Variants in GSE1 observed in about 807,000 individuals in gnomAD.
GSE1 encodes the protein Gse1 coiled-coil protein.
A neutral mutation model predicts 112.6 loss-of-function variants in GSE1; 32 were observed. The ratio of observed to expected loss-of-function variants is 0.28; its 90% CI spans 0.21 to 0.38. GSE1 has a LOEUF of 0.38. Ranked by LOEUF, GSE1 falls within the 10% of genes least tolerant of loss-of-function variation. GSE1 has a pLI of 1.00. For synonymous variants in GSE1, 1,115 were observed against 735.6 expected (o/e 1.52, Z -8.35); for missense variants, 2,348 against 1,699.2 (o/e 1.38, Z -6.71).
chr16:85,645,016 C>T (rs1481245280), intron 2 of GSE1, among the ~76,000 whole-genome samples: 2 of 151,922 alleles, frequency 1.3e-5, no homozygotes, highest in East Asian at 1.9e-4. Context: ...GGCCTGTTCT[C>T]CTGTCCCCAC....
At chr16:85,294,796 C>G (rs890431106) in intron 1 of GSE1, among the ~76,000 whole-genome samples, 10 of 151,688 alleles carry the variant, frequency 6.6e-5, no homozygotes, top group African/African-American at 2.4e-4. Flanking sequence ...GGTGCAAGTC[C>G]AAAGAGAGAA....
At chr16:85,422,669 G>C (rs553715231) in intron 2 of GSE1, among the ~76,000 whole-genome samples, 1 of 152,322 alleles carries the variant, frequency 6.6e-6, no homozygotes, top group African/African-American at 2.4e-5. Context: ...ATTCTGACCT[G>C]AAGGAGGCGA....
At chr16:85,476,724 G>T (rs556839189) in intron 2 of GSE1, among the ~76,000 whole-genome samples, 9 of 151,172 alleles carry the variant, frequency 6.0e-5, no homozygotes, top group African/African-American at 9.7e-5. Flanking sequence ...TCTTCCCACC[G>T]CAGCCTCCCC....
At chr16:85,342,100 C>T (rs2046636362) in intron 1 of GSE1, among the ~76,000 whole-genome samples, 1 of 152,028 alleles carries the variant, frequency 6.6e-6, no homozygotes, top group Admixed American at 6.5e-5. Context: ...ATCACTGCCA[C>T]CTCCCTGACA....
intron 2 of GSE1, among the ~76,000 whole-genome samples, chr16:85,446,383 C>A (rs913409491): frequency 6.6e-6 from 1 of 152,210 alleles, no homozygotes; most frequent in Non-Finnish European, 1.5e-5. Flanking sequence ...AAAAACAGAA[C>A]TGAACCTCAT....
At position 85,575,054 on chromosome 16, in the gene GSE1, G is replaced by GC. The variant is rs1014963330; in HGVS notation, c.37+18697dup. 1.0e-4 allele frequency among the ~76,000 whole-genome samples: 4 copies of GC among 39,372 alleles called. No individual in the cohort carries two copies. The East Asian group carries it at 2.4e-3, about 24-fold the overall frequency. 25.8% of individuals were successfully genotyped at this position (39,372 alleles called of 152,430 possible). On this transcript the variant is annotated intron_variant, in intron 1 of 2. Coordinates refer to the GSE1 transcript ENST00000635906. ...CGGCTCCCCGCTCCCCCTCTCCCCC[G>GC]CCCCCCGGCTTTTTACGCTCCAGTT...
intron 2 of GSE1, among the ~76,000 whole-genome samples, chr16:85,397,689 G>A (rs1317338967): frequency 6.6e-6 from 1 of 152,232 alleles, no homozygotes; most frequent in Non-Finnish European, 1.5e-5. Context: ...CCCCTCTGGA[G>A]GACGCGCGTC....
At chr16:85,559,847 C>G (rs2045427425) in intron 1 of GSE1, among the ~76,000 whole-genome samples, 1 of 152,168 alleles carries the variant, frequency 6.6e-6, no homozygotes, top group South Asian at 2.1e-4. Context: ...CCTCTGGCAG[C>G]TTTCACATTA....
intron 1 of GSE1, among the ~76,000 whole-genome samples, chr16:85,181,745 G>A (rs966471868): frequency 2.0e-5 from 3 of 152,038 alleles, no homozygotes; most frequent in Admixed American, 6.5e-5. Flanking sequence ...TTCCAGACAC[G>A]ACAGGACTGG....
In GSE1 at chr16:85,654,834, G is replaced by T. The variant is rs773762744; in HGVS notation, c.640G>T (p.Val214Leu). Residue 214 changes from valine (V) to leucine (L), a missense_variant, in exon 5 of 16, where the codon GTG (valine) becomes TTG (leucine). Physicochemically the swap from Val to Leu is conservative, Grantham distance 32 (BLOSUM62 1). Coordinates refer to ENST00000253458, the MANE Select transcript of GSE1 (RefSeq NM_014615.5). ...PVHHVVPPST[V>L]TEDYLRSFRP... ...GCACCACGTGGTGCCCCCCAGTACC[G>T]TGACCGAGGACTACCTGAGAAGCTT... 1 of 1,611,708 alleles carries T rather than the reference G, an allele frequency of 6.2e-7. No homozygotes were observed. The highest frequency in any genetic ancestry group is 1.3e-5 in the African/African-American group (1 of 74,784).
At chr16:85,235,427 A>ATTGTGTGTGTGTGT (rs574126768) in intron 1 of GSE1, among the ~76,000 whole-genome samples, 26 of 64,944 alleles carry the variant, frequency 4.0e-4, no homozygotes, top group Non-Finnish European at 7.3e-4. Context: ...ATGGAAGGGT[A>ATTGTGTGTGTGTGT]CTGTGTGTGT....
chr16:85,322,134 G>A (rs1036323525), intron 1 of GSE1, among the ~76,000 whole-genome samples: 5 of 152,368 alleles, frequency 3.3e-5, no homozygotes, highest in African/African-American at 1.2e-4. Context: ...ACCTTCCAAG[G>A]CGCTCAGAGC....
At position 85,509,280 on chromosome 16, in the gene GSE1, C is replaced by T. The variant is rs534938642; in HGVS notation, c.2465-124634C>T. Among the ~76,000 whole-genome samples the T allele has an allele frequency of 7.9e-5, 12 of 152,306 alleles. No individual in the cohort carries two copies. The South Asian group carries it at 2.1e-3, about 26-fold the overall frequency. On this transcript the variant is annotated intron_variant, in intron 2 of 2. Coordinates refer to the GSE1 transcript ENST00000637419. ...GCTTTGGGCGGCGGTAACAAGAGTC[C>T]TGGTCGTGGGAAGGCAGTGTTGGTG...
chr16:85,349,501 A>G (rs1327348372), intron 1 of GSE1, among the ~76,000 whole-genome samples: 1 of 151,954 alleles, frequency 6.6e-6, no homozygotes, highest in Non-Finnish European at 1.5e-5. Flanking sequence ...CTGGCAGACG[A>G]CAGCACTGGT....
chr16:85,493,092 T>A (rs1172945035), intron 2 of GSE1, among the ~76,000 whole-genome samples: 1 of 152,130 alleles, frequency 6.6e-6, no homozygotes, highest in Non-Finnish European at 1.5e-5. Context: ...AGCAGAGGCC[T>A]GGAGGAAGGG....
chr16:85,402,719 C>G (rs1337374767), intron 2 of GSE1, among the ~76,000 whole-genome samples: 1 of 151,916 alleles, frequency 6.6e-6, no homozygotes, highest in Non-Finnish European at 1.5e-5. Flanking sequence ...CCCAGGAGTT[C>G]AAGACCAGCC....
intron 2 of GSE1, among the ~76,000 whole-genome samples, chr16:85,533,301 T>G (rs969415562): frequency 6.0e-5 from 9 of 150,790 alleles, no homozygotes; most frequent in Non-Finnish European, 8.8e-5. Context: ...GCACCTGTAA[T>G]CCCAACTACT....
At chr16:85,475,582 A>C (rs2050427116) in intron 2 of GSE1, among the ~76,000 whole-genome samples, 1 of 152,162 alleles carries the variant, frequency 6.6e-6, no homozygotes. Flanking sequence ...TATTTGTAGC[A>C]TGCCTCAGTT....
At chr16:85,175,921 A>G (rs1253197698) in intron 1 of GSE1, among the ~76,000 whole-genome samples, 1 of 152,234 alleles carries the variant, frequency 6.6e-6, no homozygotes, top group Non-Finnish European at 1.5e-5. Context: ...CCCCAGGACC[A>G]GCGTCGGGCC....
Sources: gnomAD v4.1 joint callset for allele counts (sites outside exome capture counted in the v4.1 genomes callset) on GRCh38, gnomAD v4.1.1 for gene constraint, MANE v1.5 for transcripts, NCBI Gene and HGNC (gene_info 2026-07-23, HGNC 2026-07-21) for gene names.